The following INPP5B variants were observed in gnomAD, a reference collection of about 807,000 sequenced individuals.
INPP5B encodes type II inositol 1,4,5-trisphosphate 5-phosphatase.
INPP5B carries 90 observed loss-of-function variants against 118.5 expected under a neutral mutation model. The observed-to-expected ratio is 0.76, with a 90% CI of 0.64 to 0.90. The LOEUF (loss-of-function observed/expected upper bound fraction) is 0.90. INPP5B is among the 40% of genes least tolerant of loss of function. The pLI is 0.00. For missense variants in INPP5B, 984 were observed against 1,125.6 expected, an observed-to-expected ratio of 0.87 and a Z score of 1.80; for synonymous variants, 385 against 418.9, an observed-to-expected ratio of 0.92 and a Z score of 0.99.
intron 7 of INPP5B, among the ~76,000 whole-genome samples, chr1:37,896,660 G>A (rs1287528599): frequency 8.4e-4 from 89 of 106,562 alleles, no homozygotes; most frequent in Middle Eastern, 8.3e-3. Flanking sequence ...GCCTCTGCCC[G>A]GCCGCCCCTA....
intron 7 of INPP5B, among the ~76,000 whole-genome samples, chr1:37,897,512 T>C (rs1278954596): frequency 2.0e-5 from 3 of 151,280 alleles, no homozygotes; most frequent in African/African-American, 7.3e-5. Flanking sequence ...AGATGTGCTT[T>C]GTTAAACAGA....
intron 5 of INPP5B, among the ~76,000 whole-genome samples, chr1:37,943,000 G>T (rs1002984738): frequency 2.0e-5 from 3 of 151,490 alleles, no homozygotes; most frequent in Non-Finnish European, 2.9e-5. Context: ...TTTTTTGGGG[G>T]TTTTTTGTTT....
intron 16 of INPP5B, among the ~76,000 whole-genome samples, chr1:37,877,793 T>C (rs1642933459): frequency 6.6e-6 from 1 of 152,134 alleles, no homozygotes; most frequent in South Asian, 2.1e-4. Flanking sequence ...AAGCTCTACC[T>C]TCACTGTCCT....
At chr1:37,866,022 T>G (rs1291083871) in intron 21 of INPP5B, 134 bp from the exon 22 acceptor site, 2 of 1,405,992 alleles carry the variant, frequency 1.4e-6, no homozygotes, top group Admixed American at 4.5e-5. Flanking sequence ...CAGCCTAACT[T>G]CTCGAAGGGA....
At chr1:37,883,371 G>A (rs944129995) in intron 13 of INPP5B, 5 of 985,278 alleles carry the variant, frequency 5.1e-6, no homozygotes, top group South Asian at 4.7e-5. Flanking sequence ...GAGTTCCTCT[G>A]AAACAAAGTT....
intron 7 of INPP5B, among the ~76,000 whole-genome samples, chr1:37,908,153 T>C (rs948816345): frequency 2.0e-5 from 3 of 152,208 alleles, no homozygotes; most frequent in African/African-American, 7.2e-5. Flanking sequence ...ACAGCCCTGT[T>C]GCTCACACAA....
rs751854576 is a variant in INPP5B at position 37,878,177 on chromosome 1, C to G, written c.1677+11G>C. The G allele has an allele frequency of 1.7e-5, 27 of 1,613,728 alleles. 1 individual carries two copies. In the South Asian group the frequency reaches 2.4e-4, roughly 14 times the overall value. The stretch of plus-strand genomic sequence containing the variant: ...CCAGAATGATTACAACAGGTACCAG[C>G]TGCCACCTACCCCGATGTCAAACAC... On this transcript the variant is annotated intron_variant, in intron 16 of 23. Transcript: ENST00000373024.
At chr1:37,911,645 G>A (rs994426312) in intron 7 of INPP5B, among the ~76,000 whole-genome samples, 8 of 152,082 alleles carry the variant, frequency 5.3e-5, no homozygotes, top group Admixed American at 1.3e-4. Flanking sequence ...AAAGGACTAC[G>A]AGTCAATATT....
At chr1:37,880,049 C>T (rs371250267) in intron 15 of INPP5B, 36 bp downstream of exon 15, 690 of 1,413,986 alleles carry the variant, frequency 4.9e-4, no homozygotes, top group Non-Finnish European at 6.2e-4. Flanking sequence ...TCTGGGTTTC[C>T]GTTTGCTCAA....
At chr1:37,875,186 A>G (rs1407024115) in intron 17 of INPP5B, among the ~76,000 whole-genome samples, 2 of 152,222 alleles carry the variant, frequency 1.3e-5, no homozygotes, top group Non-Finnish European at 1.5e-5. Flanking sequence ...GAAAGACCAC[A>G]GTCCATAGTG....
At chr1:37,932,944 T>C (rs2148667646) in intron 6 of INPP5B, among the ~76,000 whole-genome samples, 1 of 152,338 alleles carries the variant, frequency 6.6e-6, no homozygotes, top group African/African-American at 2.4e-5. Flanking sequence ...CCTCTGTCTC[T>C]GACTCAAACC....
chr1:37,886,998 G>C lies in INPP5B; in HGVS notation c.1021C>G (p.Leu341Val). The change falls in exon 12 of 24, where the codon CTT becomes GTT. Residue 341 changes from leucine to valine, a missense_variant. By Grantham distance (32) the Leu-to-Val change is conservative. Transcript: ENST00000373024. ...HPDAKYAKVK[L>V]IRLVGIMLLL... ...AGCATAATCCCAACCAGTCGGATAA[G>C]CTTCACCTGGAAAAGAGAGACATGG... is the stretch of plus-strand genomic sequence containing the variant. 1 of 1,613,336 alleles carries C rather than the reference G, an allele frequency of 6.2e-7. No individual in the cohort carries two copies. Among genetic ancestry groups the C allele is most frequent in the East Asian group, 2.2e-5 (1 of 44,878 alleles).
In INPP5B at chr1:37,878,474, C is replaced by T. The variant is rs1264967335; in HGVS notation, c.1542-151G>A. The T allele has an allele frequency of 4.5e-5, 65 of 1,449,986 alleles. No homozygotes were observed. In the Middle Eastern group the frequency reaches 1.3e-3, roughly 28 times the overall value. The allele number at this position is 1,449,986 out of a possible 1,614,324, so 89.8% of individuals were successfully genotyped here. The stretch of plus-strand genomic sequence containing the variant: ...AGGCAGCAAGAGCAATTCGGGCCCA[C>T]CAAGGGATAACATGTATCCTGTGGG... On this transcript the variant is annotated intron_variant, in intron 15 of 23. Coordinates refer to ENST00000373024, the MANE Select transcript of INPP5B (RefSeq NM_005540.3).
Position 37,866,406 on chromosome 1 carries a change from T to TCACACA in INPP5B, c.2386+47_2386+52dup, listed in dbSNP as rs57582108. The stretch of plus-strand genomic sequence containing the variant: ...CATATTCTCTCTCTCTCTCTCTCTC[T>TCACACA]CACACACACACACACACACACACAC... On this transcript the variant is annotated intron_variant, in intron 21 of 23. Coordinates refer to ENST00000373024, the MANE Select transcript of INPP5B (RefSeq NM_005540.3). 284 of 404,412 alleles carry TCACACA rather than the reference T, an allele frequency of 7.0e-4. 1 individual carries two copies. Among genetic ancestry groups the TCACACA allele is most frequent in the African/African-American group, 5.8e-3 (195 of 33,526 alleles). The allele number at this position is 404,412 out of a possible 1,614,324, so 25.1% of individuals were successfully genotyped here.
intron 6 of INPP5B, among the ~76,000 whole-genome samples, chr1:37,934,231 C>T (rs1469927962): frequency 1.3e-5 from 2 of 152,170 alleles, no homozygotes; most frequent in African/African-American, 4.8e-5. Context: ...CCCCATCCGG[C>T]CCCTATTACT....
At chr1:37,905,512 A>G (rs1430874437) in intron 7 of INPP5B, among the ~76,000 whole-genome samples, 1 of 152,246 alleles carries the variant, frequency 6.6e-6, no homozygotes, top group African/African-American at 2.4e-5. Context: ...AATAATTACA[A>G]TTGTTATGTA....
At chr1:37,876,797 G>A (rs775102917) in intron 16 of INPP5B, among the ~76,000 whole-genome samples, 20 of 151,188 alleles carry the variant, frequency 1.3e-4, no homozygotes, top group African/African-American at 4.4e-4. Flanking sequence ...GGAGAATGGC[G>A]TGAACCTGGG....
intron 6 of INPP5B, among the ~76,000 whole-genome samples, 160 bp from the exon 7 acceptor site, chr1:37,932,213 T>C (rs1476232387): frequency 6.6e-6 from 1 of 152,080 alleles, no homozygotes; most frequent in Non-Finnish European, 1.5e-5. Flanking sequence ...AACACAAAAG[T>C]ACTATTCCAA....
intron 7 of INPP5B, 58 bp downstream of exon 7, chr1:37,931,855 G>GC (rs756926593): frequency 6.2e-7 from 1 of 1,611,874 alleles, no homozygotes; most frequent in Non-Finnish European, 8.5e-7. Context: ...AACGGAGCCC[G>GC]CCCCCTGTGG....
Sources: gnomAD v4.1 joint callset for allele counts (sites outside exome capture counted in the v4.1 genomes callset) on GRCh38, gnomAD v4.1.1 for gene constraint, MANE v1.5 for transcripts, NCBI Gene and HGNC (gene_info 2026-07-23, HGNC 2026-07-21) for gene names.